The following SPPL3 variants were observed in gnomAD, a reference collection of about 807,000 sequenced individuals.
SPPL3 encodes the protein signal peptide peptidase-like 3.
In SPPL3, 5 loss-of-function variants were observed where a neutral mutation model predicts 42.4. The ratio of observed to expected loss-of-function variants is 0.12; its 90% CI spans 0.06 to 0.25. SPPL3 has a LOEUF of 0.25. Among genes scored for constraint, SPPL3 ranks in the 10% least tolerant of loss-of-function variants. SPPL3 has a pLI of 1.00. For missense variants in SPPL3, 235 were observed against 489.0 expected (o/e 0.48, Z 4.90); for synonymous variants, 195 against 181.8 (o/e 1.07, Z -0.58).
intron 2 of SPPL3, among the ~76,000 whole-genome samples, chr12:120,799,086 T>C (rs1026609303): frequency 1.3e-5 from 2 of 152,222 alleles, no homozygotes; most frequent in African/African-American, 4.8e-5. Context: ...TGACTTACAA[T>C]GGAGTTATAT....
chr12:120,836,761 C>A (rs1871634189), intron 1 of SPPL3, among the ~76,000 whole-genome samples: 1 of 152,184 alleles, frequency 6.6e-6, no homozygotes, highest in South Asian at 2.1e-4. Flanking sequence ...CATTCACTAT[C>A]CTGACTGTGG....
At chr12:120,903,726 A>ACCCCCCCC in intron 1 of SPPL3, 119 bp downstream of exon 1, 2 of 509,670 alleles carry the variant, frequency 3.9e-6, no homozygotes, top group Non-Finnish European at 3.0e-6. Flanking sequence ...GTGCACCCCA[A>ACCCCCCCC]CCCGCGCCCC....
chr12:120,855,703 AAAAG>A (rs1219437934), intron 1 of SPPL3, among the ~76,000 whole-genome samples: 1 of 151,570 alleles, frequency 6.6e-6, no homozygotes, highest in Non-Finnish European at 1.5e-5. Flanking sequence ...TCAAAAAAAA[AAAAG>A]AAAAGAAAAG....
In SPPL3 at chr12:120,795,041, T is replaced by C. The variant is rs117189773; in HGVS notation, c.102-3484A>G. On this transcript the variant is annotated intron_variant, in intron 2 of 10. Transcript: ENST00000353487. ...TTCCCTCCCTCAACCTTTGTGCTAC[T>C]GTGGCCATGCATTTAACTCTTACAT... Among the ~76,000 whole-genome samples the C allele has an allele frequency of 2.6e-5, 4 of 152,342 alleles. No homozygotes were observed. In the East Asian group the frequency reaches 7.7e-4, roughly 29 times the overall value.
At chr12:120,826,700 A>T (rs1871240768) in intron 1 of SPPL3, among the ~76,000 whole-genome samples, 2 of 152,136 alleles carry the variant, frequency 1.3e-5, no homozygotes, top group Non-Finnish European at 2.9e-5. Flanking sequence ...TATACAAAGG[A>T]TCAATGACTA....
In SPPL3 at chr12:120,842,612, ACTCACT is replaced by A. The variant is rs145951426; in HGVS notation, c.24-31732_24-31727del. ...TGCCAGTAGATTCTGTCTGGTGAGGACTCACTCTGCTTCATCGATGGCAGGTTCTCG... is the reference window on the plus strand; with the variant it reads ...TGCCAGTAGATTCTGTCTGGTGAGGACTGCTTCATCGATGGCAGGTTCTCG... On this transcript the variant is annotated intron_variant, in intron 1 of 10. Coordinates refer to ENST00000353487, the MANE Select transcript of SPPL3 (RefSeq NM_139015.5). Among the ~76,000 whole-genome samples, 516 of 151,732 alleles carry A rather than the reference ACTCACT, an allele frequency of 3.4e-3. 3 individuals carry two copies. Among genetic ancestry groups the A allele is most frequent in the African/African-American group, 0.012 (499 of 41,358 alleles).
chr12:120,845,193 G>T (rs1871978440), intron 1 of SPPL3: 1 of 459,468 alleles, frequency 2.2e-6, no homozygotes, highest in South Asian at 1.7e-5. Flanking sequence ...TGGCCTGAAT[G>T]TACCAGTTCA....
intron 1 of SPPL3, among the ~76,000 whole-genome samples, chr12:120,843,260 C>G (rs1222042405): frequency 1.3e-5 from 2 of 152,188 alleles, no homozygotes; most frequent in Non-Finnish European, 2.9e-5. Flanking sequence ...TCTTAGAAAA[C>G]ACAATTACCT....
intron 1 of SPPL3, among the ~76,000 whole-genome samples, chr12:120,902,542 G>T (rs1010887050): frequency 6.6e-6 from 1 of 152,144 alleles, no homozygotes; most frequent in Non-Finnish European, 1.5e-5. Flanking sequence ...TGTGGAAAAG[G>T]TAATTCCCTC....
chr12:120,881,366 G>A (rs1365469883), intron 1 of SPPL3, among the ~76,000 whole-genome samples: 1 of 149,914 alleles, frequency 6.7e-6, no homozygotes, highest in African/African-American at 2.5e-5. Context: ...CTACTTGGGA[G>A]GCTGAGGCAG....
intron 1 of SPPL3, among the ~76,000 whole-genome samples, chr12:120,893,830 G>C (rs1442319070): frequency 6.6e-6 from 1 of 151,848 alleles, no homozygotes; most frequent in Non-Finnish European, 1.5e-5. Context: ...TCAATTTCTG[G>C]TCTTCCATTT....
intron 1 of SPPL3, chr12:120,845,275 T>C (rs1871983713): frequency 2.7e-6 from 1 of 370,700 alleles, no homozygotes; most frequent in Non-Finnish European, 5.5e-6. Flanking sequence ...GAGGTCCTGC[T>C]TGTTGGCAAA....
In SPPL3 at chr12:120,883,089, G is replaced by C. The variant is rs192040308; in HGVS notation, c.23+20756C>G. Among the ~76,000 whole-genome samples, 173 of 152,110 alleles carry C rather than the reference G, an allele frequency of 1.1e-3. 2 individuals are homozygous for C. Among genetic ancestry groups the C allele is most frequent in the African/African-American group, 3.9e-3 (160 of 41,428 alleles). On this transcript the variant is annotated intron_variant, in intron 1 of 10. Transcript: ENST00000353487. Reference sequence around the variant, plus strand: ...GGAGGCTGAGGCAGGCAGATCACGAGGTCAGGAGATCAAGACCATCCTGGC... The same window carrying C: ...GGAGGCTGAGGCAGGCAGATCACGACGTCAGGAGATCAAGACCATCCTGGC...
chr12:120,896,161 G>A (rs1187909595), intron 1 of SPPL3, among the ~76,000 whole-genome samples: 1 of 152,002 alleles, frequency 6.6e-6, no homozygotes, highest in Non-Finnish European at 1.5e-5. Flanking sequence ...TTTTCCATAA[G>A]GTCTCTATTA....
chr12:120,845,590 T>C (rs780289416), intron 1 of SPPL3: 9 of 473,404 alleles, frequency 1.9e-5, no homozygotes, highest in Admixed American at 5.6e-5. Context: ...AGGCCCACCA[T>C]GAGGATGCAC....
At chr12:120,886,383 AAC>A (rs1593011892) in intron 1 of SPPL3, among the ~76,000 whole-genome samples, 2 of 152,202 alleles carry the variant, frequency 1.3e-5, no homozygotes, top group South Asian at 2.1e-4. Context: ...TCATTCATTA[AAC>A]ACAGAGATCA....
intron 1 of SPPL3, among the ~76,000 whole-genome samples, chr12:120,843,981 C>A (rs182055006): frequency 2.0e-5 from 3 of 148,724 alleles, no homozygotes; most frequent in East Asian, 3.9e-4. Flanking sequence ...CATAACATAA[C>A]ATAAAACAAA....
At chr12:120,808,389 G>A (rs1870574533) in intron 2 of SPPL3, among the ~76,000 whole-genome samples, 1 of 152,074 alleles carries the variant, frequency 6.6e-6, no homozygotes, top group Admixed American at 6.6e-5. Context: ...TTCCTCATTT[G>A]TAAACAGGGA....
intron 3 of SPPL3, 71 bp from the exon 4 acceptor site, chr12:120,784,664 ATT>A: frequency 7.9e-7 from 1 of 1,260,426 alleles, no homozygotes; most frequent in African/African-American, 1.5e-5. Flanking sequence ...CTTCATATAC[ATT>A]AACTTGCAAA....
Sources: allele counts gnomAD v4.1 joint callset (sites outside exome capture counted in the v4.1 genomes callset), GRCh38; gene constraint gnomAD v4.1.1; transcripts MANE v1.5; gene names NCBI Gene and HGNC (gene_info 2026-07-23, HGNC 2026-07-21).